The following BBS4 variants were observed in gnomAD, a reference collection of about 807,000 sequenced individuals.
BBS4 encodes the protein BBSome complex member BBS4.
A neutral mutation model predicts 71.4 loss-of-function variants in BBS4; 58 were observed. The ratio of observed to expected loss-of-function variants is 0.81; its 90% CI spans 0.66 to 1.01. The LOEUF (loss-of-function observed/expected upper bound fraction) is 1.01, where lower values mean the gene tolerates loss of function less well. BBS4 is among the 50% of genes least tolerant of loss of function. BBS4 has a pLI of 0.00. For synonymous variants in BBS4, 228 were observed against 216.8 expected, an observed-to-expected ratio of 1.05 and a Z score of -0.46; for missense variants, 660 against 607.9, an observed-to-expected ratio of 1.09 and a Z score of -0.90.
chr15:72,694,515 G>A (rs189546464), intron 1 of BBS4, among the ~76,000 whole-genome samples: 2 of 152,140 alleles, frequency 1.3e-5, no homozygotes, highest in Non-Finnish European at 2.9e-5. Context: ...GCTTTTAAGA[G>A]CTGCTTCTTG....
Position 72,725,814 on chromosome 15 carries a change from CCCA to C in BBS4, c.587+1160_587+1162del, listed in dbSNP as rs1267426832. 5.2e-4 allele frequency among the ~76,000 whole-genome samples: 10 copies of C among 19,328 alleles called. 1 individual carries two copies. The highest frequency in any genetic ancestry group is 8.2e-3 in the South Asian group (2 of 244). The allele number at this position is 19,328 out of a possible 152,430, so 12.7% of individuals were successfully genotyped here. A position where few individuals can be genotyped will look rare whatever the true frequency, so the allele number is the denominator to read the frequency against. On this transcript the variant is annotated intron_variant, in intron 8 of 15. Transcript: ENST00000268057. ...TTCCCTCTTCCCCCATCCCCCTTCC[CCCA>C]TCCCCCTTTCCCCATCCCCCTTTCC... is the stretch of plus-strand genomic sequence containing the variant.
chr15:72,731,757 T>A, intron 12 of BBS4, 31 bp downstream of exon 12: 1 of 1,613,016 alleles, frequency 6.2e-7, no homozygotes, highest in South Asian at 1.1e-5. Flanking sequence ...AAACTCTCTC[T>A]GCCATCTGTA....
intron 2 of BBS4, among the ~76,000 whole-genome samples, chr15:72,697,075 G>A (rs1159419895): frequency 2.6e-5 from 4 of 152,022 alleles, no homozygotes; most frequent in South Asian, 2.1e-4. Context: ...TGGGATTATC[G>A]GCATGAACCA....
At chr15:72,692,778 T>A (rs2065010453) in intron 1 of BBS4, among the ~76,000 whole-genome samples, 2 of 151,890 alleles carry the variant, frequency 1.3e-5, no homozygotes, top group Non-Finnish European at 2.9e-5. Context: ...AAGTTTTTTT[T>A]ATAGAGGCAG....
chr15:72,687,108 ACT>A (rs1187834081), intron 1 of BBS4, among the ~76,000 whole-genome samples: 1 of 69,712 alleles, frequency 1.4e-5, no homozygotes, highest in Non-Finnish European at 3.4e-5. Flanking sequence ...TAATTAGAAA[ACT>A]CTGAAGACAG....
Position 72,727,956 on chromosome 15 carries a change from A to G in BBS4, c.604A>G (p.Thr202Ala). ...KKAVEFSPEN[T>A]ELLTTLGLLY... Reference sequence around the variant, plus strand: ...ATGTTGCAGGTTCTCACCAGAAAATACAGAGCTTCTTACAACTTTAGGATT... The same window carrying G: ...ATGTTGCAGGTTCTCACCAGAAAATGCAGAGCTTCTTACAACTTTAGGATT... Residue 202 changes from threonine to alanine, a missense_variant, in exon 9 of 16, where the codon ACA (threonine) becomes GCA (alanine). By Grantham distance (58) the Thr-to-Ala change is moderately conservative (BLOSUM62 0). Coordinates refer to ENST00000268057, the MANE Select transcript of BBS4 (RefSeq NM_033028.5). 1 of 1,612,956 alleles carries G rather than the reference A, an allele frequency of 6.2e-7. No homozygotes were observed. Among genetic ancestry groups the G allele is most frequent in the Non-Finnish European group, 8.5e-7 (1 of 1,178,924 alleles).
chr15:72,728,539 A>G (rs568479916), intron 9 of BBS4, among the ~76,000 whole-genome samples: 4 of 152,226 alleles, frequency 2.6e-5, no homozygotes, highest in Non-Finnish European at 5.9e-5. Flanking sequence ...GAAAGAGCAT[A>G]TATGAGAAAT....
intron 6 of BBS4, among the ~76,000 whole-genome samples, chr15:72,721,825 T>G (rs753262289): frequency 2.0e-5 from 3 of 152,172 alleles, no homozygotes; most frequent in Non-Finnish European, 2.9e-5. Context: ...CCTTGCTTTC[T>G]CCTTTTCCAA....
At chr15:72,686,407 G>T (rs1198253973) in intron 1 of BBS4, 156 bp downstream of exon 1, 2 of 1,535,012 alleles carry the variant, frequency 1.3e-6, no homozygotes, top group African/African-American at 2.7e-5. Flanking sequence ...TACTGTCCCG[G>T]GAACTGGTCG....
intron 2 of BBS4, chr15:72,704,370 G>A (rs1347506109): frequency 1.9e-6 from 2 of 1,079,260 alleles, no homozygotes; most frequent in African/African-American, 3.3e-5. Flanking sequence ...CTTTCAACTA[G>A]TAATTCTCAT....
At chr15:72,690,089 C>T (rs932806366) in intron 1 of BBS4, among the ~76,000 whole-genome samples, 2 of 152,002 alleles carry the variant, frequency 1.3e-5, no homozygotes, top group South Asian at 4.2e-4. Flanking sequence ...GGATTACAGG[C>T]GAGCCACTGT....
At chr15:72,704,457 A>G (rs2065228255) in intron 2 of BBS4, 5 of 1,287,944 alleles carry the variant, frequency 3.9e-6, no homozygotes, top group Non-Finnish European at 5.1e-6. Flanking sequence ...TTGGAATACC[A>G]GAAATTCAAC....
chr15:72,736,256 T>G (rs1220592141), intron 14 of BBS4, among the ~76,000 whole-genome samples: 2 of 150,038 alleles, frequency 1.3e-5, no homozygotes, highest in African/African-American at 4.9e-5. Context: ...TTTTTTTTTT[T>G]TTTGAGACGG....
At chr15:72,728,037 T>C (rs1342511128) in intron 9 of BBS4, 43 bp downstream of exon 9, 1 of 1,489,998 alleles carries the variant, frequency 6.7e-7, no homozygotes, top group Non-Finnish European at 9.4e-7. Context: ...ATGTTAGAAA[T>C]GGTTTTGGGT....
At position 72,715,384 on chromosome 15, in the gene BBS4, A is replaced by C. The variant is rs1233253646; in HGVS notation, c.314A>C (p.Lys105Thr). 6.2e-7 allele frequency: 1 copy of C among 1,613,612 alleles called. No individual in the cohort carries two copies. Among genetic ancestry groups the C allele is most frequent in the Admixed American group, 1.7e-5 (1 of 59,996 alleles). Residue 105 changes from lysine (K) to threonine (T), a missense_variant, in exon 5 of 16, where the codon AAG becomes ACG. By Grantham distance (78) the Lys-to-Thr change is moderately conservative. Transcript: ENST00000268057. ...AGTCCTCAGAGTGCTGATAACCTCA[A>C]GCAGGTGGCCAGATCTTTGTGAGTA... is the stretch of plus-strand genomic sequence containing the variant. ...VLSPQSADNL[K>T]QVARSLFLLG... is the part of the protein sequence containing the mutation.
intron 2 of BBS4, among the ~76,000 whole-genome samples, chr15:72,696,958 A>T (rs1489795061): frequency 6.7e-6 from 1 of 148,912 alleles, no homozygotes; most frequent in Non-Finnish European, 1.5e-5. Context: ...TTTGAGGCGG[A>T]GGCTCGCTCT....
At chr15:72,735,517 C>A (rs541168580) in intron 13 of BBS4, 1 of 526,554 alleles carries the variant, frequency 1.9e-6, no homozygotes, top group East Asian at 3.5e-5. Context: ...AAACTTGACT[C>A]TTCCAGGATT....
intron 2 of BBS4, chr15:72,698,044 G>T (rs565296564): frequency 2.2e-6 from 1 of 455,632 alleles, no homozygotes; most frequent in Non-Finnish European, 4.4e-6. Flanking sequence ...TGAGGTGAGC[G>T]AACTGATTTA....
intron 13 of BBS4, chr15:72,735,535 C>T: frequency 1.9e-6 from 1 of 535,990 alleles, no homozygotes; most frequent in Non-Finnish European, 3.4e-6. Context: ...ATTTACTCCG[C>T]TGGCATCTTC....
Sources: gnomAD v4.1 joint callset for allele counts (sites outside exome capture counted in the v4.1 genomes callset) on GRCh38, gnomAD v4.1.1 for gene constraint, MANE v1.5 for transcripts, NCBI Gene and HGNC (gene_info 2026-07-23, HGNC 2026-07-21) for gene names.